The following SNTG1 variants were observed in gnomAD, a reference collection of about 807,000 sequenced individuals.
SNTG1 encodes the protein syntrophin gamma 1.
SNTG1 carries 39 observed loss-of-function variants against 74.7 expected under a neutral mutation model. The ratio of observed to expected loss-of-function variants is 0.52; its 90% CI spans 0.40 to 0.68. SNTG1 has a LOEUF of 0.68. Among genes scored for constraint, SNTG1 ranks in the 30% least tolerant of loss-of-function variants. SNTG1 has a pLI of 0.00. For synonymous variants in SNTG1, 254 were observed against 217.1 expected, an observed-to-expected ratio of 1.17 and a Z score of -1.49; for missense variants, 685 against 609.5, an observed-to-expected ratio of 1.12 and a Z score of -1.30.
intron 13 of SNTG1, among the ~76,000 whole-genome samples, chr8:50,642,737 C>T (rs1284137497): frequency 6.6e-6 from 1 of 152,116 alleles, no homozygotes; most frequent in Non-Finnish European, 1.5e-5. Context: ...CCAGTATTTT[C>T]TGTCTTCTTT....
chr8:49,925,854 T>G (rs1269972819), intron 1 of SNTG1, among the ~76,000 whole-genome samples: 1 of 152,218 alleles, frequency 6.6e-6, no homozygotes, highest in Non-Finnish European at 1.5e-5. Flanking sequence ...TAGGTTGCTT[T>G]CAGTTTGGGG....
intron 4 of SNTG1, among the ~76,000 whole-genome samples, chr8:50,408,078 C>G (rs985225037): frequency 2.6e-5 from 4 of 152,146 alleles, no homozygotes; most frequent in Non-Finnish European, 5.9e-5. Context: ...GAGCAGCAAG[C>G]AATTATAAAA....
At chr8:50,256,785 CGTGTGT>C (rs66472803) in intron 2 of SNTG1, among the ~76,000 whole-genome samples, 2 of 150,858 alleles carry the variant, frequency 1.3e-5, no homozygotes, top group East Asian at 2.0e-4. Context: ...GGTGTGTGTG[CGTGTGT>C]GTGTGTGTGT....
intron 2 of SNTG1, among the ~76,000 whole-genome samples, chr8:50,387,785 C>G (rs2092598159): frequency 6.6e-6 from 1 of 152,124 alleles, no homozygotes; most frequent in African/African-American, 2.4e-5. Context: ...CCTGTTGCCA[C>G]TTGAGTGTAC....
At chr8:50,631,706 C>T (rs534471558) in intron 13 of SNTG1, among the ~76,000 whole-genome samples, 63 of 152,162 alleles carry the variant, frequency 4.1e-4, no homozygotes, top group African/African-American at 1.4e-3. Context: ...ATTTAATTGA[C>T]CATATTGTGT....
At chr8:50,723,666 C>T (rs1432723553) in intron 17 of SNTG1, among the ~76,000 whole-genome samples, 1 of 152,064 alleles carries the variant, frequency 6.6e-6, no homozygotes, top group Admixed American at 6.5e-5. Flanking sequence ...TTGCACGTCC[C>T]CTGCATGCCA....
intron 1 of SNTG1, among the ~76,000 whole-genome samples, chr8:50,149,629 C>A (rs550285648): frequency 6.6e-6 from 1 of 152,284 alleles, no homozygotes; most frequent in South Asian, 2.1e-4. Flanking sequence ...GTTTTCCCAG[C>A]ACCATTTGTT....
intron 2 of SNTG1, among the ~76,000 whole-genome samples, chr8:50,273,315 C>T (rs893704494): frequency 6.6e-6 from 1 of 152,140 alleles, no homozygotes; most frequent in African/African-American, 2.4e-5. Flanking sequence ...TTGAAAAACA[C>T]AAGTTCTGAC....
At position 50,067,085 on chromosome 8, in the gene SNTG1, T is replaced by C. The variant is rs906388764; in HGVS notation, c.-102-105476T>C. Reference sequence around the variant, plus strand: ...ATTCTGCTGTCACCAACAGTCATCTTACATTTGTCTTAAATGTGCCTTCTC... The same window carrying C: ...ATTCTGCTGTCACCAACAGTCATCTCACATTTGTCTTAAATGTGCCTTCTC... On this transcript the variant is annotated intron_variant, in intron 1 of 18. Coordinates refer to ENST00000642720, the MANE Select transcript of SNTG1 (RefSeq NM_018967.5). 5.3e-5 allele frequency among the ~76,000 whole-genome samples: 8 copies of C among 152,354 alleles called. No homozygotes were observed. The East Asian group carries it at 1.5e-3, about 29-fold the overall frequency.
chr8:50,209,097 C>T (rs941820406), intron 2 of SNTG1, among the ~76,000 whole-genome samples: 3 of 152,142 alleles, frequency 2.0e-5, no homozygotes, highest in Non-Finnish European at 2.9e-5. Context: ...CTTGGAGGGT[C>T]CCACACCCAT....
chr8:50,646,408 T>C (rs2095109416), intron 13 of SNTG1, among the ~76,000 whole-genome samples: 1 of 152,182 alleles, frequency 6.6e-6, no homozygotes. Flanking sequence ...ATGATGCTGA[T>C]GTTGCTGGAC....
chr8:50,664,911 G>T (rs1017383709), intron 15 of SNTG1, among the ~76,000 whole-genome samples: 1 of 152,084 alleles, frequency 6.6e-6, no homozygotes, highest in African/African-American at 2.4e-5. Flanking sequence ...CCTATCATTT[G>T]GCCAGGAAAC....
intron 17 of SNTG1, among the ~76,000 whole-genome samples, chr8:50,738,403 T>C (rs2131648097): frequency 6.6e-6 from 1 of 152,204 alleles, no homozygotes. Context: ...CTTGAAGAAG[T>C]AAGAGAGGAC....
At chr8:50,345,917 T>C (rs545472132) in intron 2 of SNTG1, among the ~76,000 whole-genome samples, 40 of 152,356 alleles carry the variant, frequency 2.6e-4, no homozygotes, top group African/African-American at 8.9e-4. Flanking sequence ...TTGCTTTAGT[T>C]TGACAGTATT....
intron 17 of SNTG1, among the ~76,000 whole-genome samples, chr8:50,722,562 T>A (rs1483473012): frequency 6.6e-6 from 1 of 152,158 alleles, no homozygotes; most frequent in African/African-American, 2.4e-5. Flanking sequence ...ATAAGATTTA[T>A]CTCTTATAGA....
intron 18 of SNTG1, 88 bp from the exon 19 acceptor site, chr8:50,792,583 T>C (rs1205118473): frequency 3.9e-6 from 5 of 1,284,396 alleles, no homozygotes; most frequent in Non-Finnish European, 5.3e-6. Flanking sequence ...TAGATAAGTG[T>C]ATTGAAATTG....
chr8:50,319,077 G>A (rs1353187386), intron 2 of SNTG1, among the ~76,000 whole-genome samples: 6 of 151,788 alleles, frequency 4.0e-5, no homozygotes, highest in Non-Finnish European at 5.9e-5. Flanking sequence ...TACATATAAT[G>A]TATTTCTTCT....
intron 13 of SNTG1, among the ~76,000 whole-genome samples, chr8:50,629,320 T>C (rs769504577): frequency 1.3e-5 from 2 of 152,162 alleles, no homozygotes; most frequent in Admixed American, 1.3e-4. Context: ...TGTTTTGAAA[T>C]AATATTTTCT....
At chr8:50,390,732 C>G (rs915017355) in intron 2 of SNTG1, among the ~76,000 whole-genome samples, 1 of 152,042 alleles carries the variant, frequency 6.6e-6, no homozygotes, top group Admixed American at 6.6e-5. Flanking sequence ...TGTTTGTGTC[C>G]TCTTTTATTT....
Sources: allele counts gnomAD v4.1 joint callset (sites outside exome capture counted in the v4.1 genomes callset), GRCh38; gene constraint gnomAD v4.1.1; transcripts MANE v1.5; gene names NCBI Gene and HGNC (gene_info 2026-07-23, HGNC 2026-07-21).